GLG1: variants seen among roughly 807,000 people sequenced by gnomAD.
The protein encoded by GLG1 is Golgi apparatus protein 1.
In GLG1, 38 loss-of-function variants were observed where a neutral mutation model predicts 160.5. That is an observed-to-expected ratio of 0.24 (90% CI 0.18 to 0.31). The LOEUF (loss-of-function observed/expected upper bound fraction) is 0.31. GLG1 is among the 10% of genes least tolerant of loss of function. GLG1 has a pLI of 1.00. For synonymous variants in GLG1, 644 were observed against 543.4 expected, an observed-to-expected ratio of 1.19 and a Z score of -2.57; for missense variants, 1,373 against 1,505.2, an observed-to-expected ratio of 0.91 and a Z score of 1.45.
chr16:74,606,889 G>A lies in GLG1; in HGVS notation c.206C>T (p.Ser69Leu). Residue 69 changes from serine (S) to leucine (L), a missense_variant, in exon 1 of 26, where the codon TCA (serine) becomes TTA (leucine). Ser to Leu is a moderately radical substitution (Grantham distance 145). Coordinates refer to ENST00000422840, the MANE Select transcript of GLG1 (RefSeq NM_001145667.2). ...AGQQLPQLPQ[S>L]SQLQQQQQQQ... ...CTGCTGTTGCTGCTGAAGCTGCGAT[G>A]ACTGAGGCAGCTGGGGCAGCTGCTG... The A allele has an allele frequency of 5.6e-6, 9 of 1,601,898 alleles. No homozygotes were observed. Among genetic ancestry groups the A allele is most frequent in the Non-Finnish European group, 7.7e-6 (9 of 1,175,376 alleles).
At chr16:74,547,368 A>G (rs1180561985) in intron 1 of GLG1, among the ~76,000 whole-genome samples, 1 of 151,858 alleles carries the variant, frequency 6.6e-6, no homozygotes, top group Non-Finnish European at 1.5e-5. Context: ...AGAATTTAAG[A>G]TTAAGCAGAT....
At chr16:74,569,086 T>C (rs2018744845) in intron 1 of GLG1, among the ~76,000 whole-genome samples, 2 of 152,304 alleles carry the variant, frequency 1.3e-5, no homozygotes, top group South Asian at 4.1e-4. Context: ...AGGTAGGAAA[T>C]CTAATGAGAT....
intron 20 of GLG1, chr16:74,463,082 A>C (rs984351710): frequency 4.1e-6 from 2 of 483,594 alleles, no homozygotes; most frequent in Non-Finnish European, 7.2e-6. Flanking sequence ...GTTTTATTGA[A>C]TTTCTAGATT....
intron 1 of GLG1, among the ~76,000 whole-genome samples, chr16:74,604,527 G>C (rs1299630813): frequency 6.6e-6 from 1 of 152,212 alleles, no homozygotes; most frequent in Non-Finnish European, 1.5e-5. Context: ...GTACGGATAG[G>C]AAAATGTTCC....
At chr16:74,463,069 G>T (rs926801924) in intron 20 of GLG1, 9 of 474,956 alleles carry the variant, frequency 1.9e-5, no homozygotes, top group Non-Finnish European at 2.9e-5. Context: ...GCACACTCAT[G>T]AAGTTTTATT....
rs777396883 is a variant in GLG1 at position 74,485,786 on chromosome 16, G to A, written c.1571+10C>T. 215 of 1,609,988 alleles carry A rather than the reference G, an allele frequency of 1.3e-4. No individual in the cohort carries two copies. The highest frequency in any genetic ancestry group is 1.7e-4 in the Non-Finnish European group (206 of 1,177,364). On this transcript the variant is annotated intron_variant, in intron 9 of 25. Transcript: ENST00000422840. ...CAATATGGATAAATACCATGGAGAA[G>A]ATAACTTACATTGGGTCTCCAGATC...
At chr16:74,488,695 C>A (rs1159713983) in intron 8 of GLG1, among the ~76,000 whole-genome samples, 1 of 152,102 alleles carries the variant, frequency 6.6e-6, no homozygotes, top group Non-Finnish European at 1.5e-5. Context: ...TCTCAGCTTA[C>A]TGTAACCTCT....
chr16:74,516,124 CTGTCAACATT>C (rs2016970528), intron 2 of GLG1, among the ~76,000 whole-genome samples: 3 of 151,678 alleles, frequency 2.0e-5, no homozygotes, highest in Non-Finnish European at 2.9e-5. Flanking sequence ...TAACACCACA[CTGTCAACATT>C]AGACAGATCA....
At chr16:74,520,976 A>C (rs1451381497) in intron 2 of GLG1, among the ~76,000 whole-genome samples, 2 of 152,174 alleles carry the variant, frequency 1.3e-5, no homozygotes, top group African/African-American at 4.8e-5. Flanking sequence ...ACAAATTATC[A>C]AGTAAATGTG....
chr16:74,497,434 CTTTTTTTTTTT>C (rs773526380), intron 4 of GLG1, among the ~76,000 whole-genome samples: 1 of 117,142 alleles, frequency 8.5e-6, no homozygotes, highest in Non-Finnish European at 1.8e-5. Flanking sequence ...ACAGTGCTTG[CTTTTTTTTTTT>C]TTTTTTTTTT....
chr16:74,505,175 G>A (rs2016551442), intron 3 of GLG1, among the ~76,000 whole-genome samples: 1 of 152,156 alleles, frequency 6.6e-6, no homozygotes, highest in Admixed American at 6.6e-5. Context: ...AAAGGTGCTG[G>A]ATGAAGGACA....
Position 74,469,823 on chromosome 16 carries a change from A to G in GLG1, c.2318+162T>C. The G allele has an allele frequency of 8.0e-6, 5 of 621,406 alleles. No individual in the cohort carries two copies. In the South Asian group the frequency reaches 9.4e-5, roughly 12 times the overall value. The allele number at this position is 621,406 out of a possible 1,614,324, so 38.5% of individuals were successfully genotyped here. On this transcript the variant is annotated intron_variant, in intron 16 of 25. Transcript: ENST00000422840. ...ACTACCATCGCCAGATGCTCTGTCC[A>G]GACAGTCCGAGTGTTTGCCACGCTA...
intron 2 of GLG1, among the ~76,000 whole-genome samples, chr16:74,527,457 C>T (rs1381411744): frequency 2.6e-5 from 4 of 151,868 alleles, no homozygotes; most frequent in Non-Finnish European, 5.9e-5. Flanking sequence ...ACCATGTTGG[C>T]CAGGCTGGTC....
chr16:74,541,225 G>A (rs968767553), intron 1 of GLG1, among the ~76,000 whole-genome samples: 1 of 150,754 alleles, frequency 6.6e-6, no homozygotes, highest in African/African-American at 2.4e-5. Flanking sequence ...TTGGGAGGCT[G>A]AGGCAGAAGA....
At chr16:74,597,954 T>C (rs1398877150) in intron 1 of GLG1, among the ~76,000 whole-genome samples, 2 of 151,804 alleles carry the variant, frequency 1.3e-5, no homozygotes, top group Non-Finnish European at 2.9e-5. Flanking sequence ...AGCCAGAGAT[T>C]ACAGTGAGCT....
Position 74,498,468 on chromosome 16 carries a change from T to TATATATATATATATATATATATATATATA in GLG1, c.775-1825_775-1824insTATATATATATATATATATATATATATAT, listed in dbSNP as rs1491206560. On this transcript the variant is annotated intron_variant, in intron 4 of 25. Coordinates refer to ENST00000422840, the MANE Select transcript of GLG1 (RefSeq NM_001145667.2). ...AAAAAGTATATATATATATATATAT[T>TATATATATATATATATATATATATATATA]ATATTTTATATATATATTTTATATA... 3.4e-3 allele frequency among the ~76,000 whole-genome samples: 102 copies of TATATATATATATATATATATATATATATA among 29,598 alleles called. 10 individuals are homozygous for TATATATATATATATATATATATATATATA. The highest frequency in any genetic ancestry group is 4.7e-3 in the South Asian group (3 of 634). 19.4% of individuals were successfully genotyped at this position (29,598 alleles called of 152,430 possible).
intron 8 of GLG1, among the ~76,000 whole-genome samples, chr16:74,488,338 T>A (rs1403556494): frequency 2.0e-5 from 3 of 152,018 alleles, no homozygotes; most frequent in African/African-American, 4.8e-5. Context: ...GCCCAGTAGT[T>A]TGAGAACAGC....
intron 9 of GLG1, among the ~76,000 whole-genome samples, chr16:74,483,333 C>G (rs1046225790): frequency 2.0e-5 from 3 of 152,200 alleles, no homozygotes; most frequent in Non-Finnish European, 4.4e-5. Flanking sequence ...GAAGACTATG[C>G]ATGCACAAGG....
At chr16:74,587,394 AGAGT>A (rs1958077987) in intron 1 of GLG1, among the ~76,000 whole-genome samples, 1 of 152,232 alleles carries the variant, frequency 6.6e-6, no homozygotes, top group African/African-American at 2.4e-5. Flanking sequence ...GAACCAAGAA[AGAGT>A]GAGAATAAAG....
Sources: gnomAD v4.1 joint callset for allele counts (sites outside exome capture counted in the v4.1 genomes callset) on GRCh38, gnomAD v4.1.1 for gene constraint, MANE v1.5 for transcripts, NCBI Gene and HGNC (gene_info 2026-07-23, HGNC 2026-07-21) for gene names.